Variants in NBPF3 observed in about 807,000 individuals in gnomAD.
NBPF3 encodes the protein NBPF member 3.
A neutral mutation model predicts 78.1 loss-of-function variants in NBPF3; 57 were observed. The observed-to-expected ratio is 0.73, with a 90% confidence interval of 0.59 to 0.91. The LOEUF (loss-of-function observed/expected upper bound fraction) is 0.91, where lower values mean the gene tolerates loss of function less well. Ranked by LOEUF, NBPF3 falls within the 40% of genes least tolerant of loss-of-function variation. NBPF3 has a pLI of 0.00. For missense variants in NBPF3, 510 were observed against 715.3 expected, an observed-to-expected ratio of 0.71 and a Z score of 3.27; for synonymous variants, 182 against 271.7, an observed-to-expected ratio of 0.67 and a Z score of 3.25.
chr1:21,473,387 C>T lies in NBPF3; in HGVS notation c.742C>T (p.Gln248Ter). 2 of 1,613,994 alleles carry T rather than the reference C, an allele frequency of 1.2e-6. No homozygotes were observed. The highest frequency in any genetic ancestry group is 1.7e-6 in the Non-Finnish European group (2 of 1,179,868). Residue 248 changes from glutamine to a stop codon, truncating the protein, a stop_gained, in exon 7 of 15, where the codon CAG becomes TAG. Transcript: ENST00000318249. LOFTEE classifies it high-confidence loss of function. ...VQELYAPREV[Q>*]KAEEKEVPED... ...TCCCACCTGGCTCATCAGGGAGGTG[C>T]AGAAGGCTGAAGAAAAGGAAGTCCC...
chr1:21,480,944 C>T lies in NBPF3; in HGVS notation c.1396C>T (p.Gln466Ter), dbSNP rs1391714126. 7 of 1,585,458 alleles carry T rather than the reference C, an allele frequency of 4.4e-6. No homozygotes were observed. In the East Asian group the frequency reaches 1.4e-4, roughly 32 times the overall value. Residue 466 changes from glutamine to a stop codon, truncating the protein, a stop_gained, in exon 12 of 15, where the codon CAA becomes TAA. Transcript: ENST00000318249. LOFTEE classifies it high-confidence loss of function. The part of the protein sequence containing the change: ...ALDLDRMKKD[Q>*]EEEEDQGPPC... ...ATTTATTGCAGGAATGAAAAAGGAC[C>T]AAGAAGAGGAAGAAGACCAAGGCCC...
chr1:21,440,700 C>T (rs922028740), intron 1 of NBPF3: 10 of 152,568 alleles, frequency 6.6e-5, no homozygotes, highest in African/African-American at 2.2e-4. Flanking sequence ...AATCGGTTCC[C>T]TCTGCGGGCC....
intron 2 of NBPF3, among the ~76,000 whole-genome samples, chr1:21,464,732 G>C (rs1457532339): frequency 6.6e-6 from 1 of 151,802 alleles, no homozygotes; most frequent in South Asian, 2.1e-4. Context: ...TCAGGGCCAG[G>C]TTCAGTGGCT....
chr1:21,468,036 T>C (rs1366821482), intron 2 of NBPF3: 3 of 152,442 alleles, frequency 2.0e-5, no homozygotes, highest in African/African-American at 7.2e-5. Flanking sequence ...CAGACAAAAC[T>C]GCAGAAGACC....
intron 8 of NBPF3, among the ~76,000 whole-genome samples, chr1:21,475,833 C>T (rs1642860857): frequency 6.6e-6 from 1 of 152,028 alleles, no homozygotes; most frequent in Non-Finnish European, 1.5e-5. Context: ...TCCTTGTGAA[C>T]CTTCTGTCTC....
intron 2 of NBPF3, among the ~76,000 whole-genome samples, chr1:21,456,455 T>A (rs576258159): frequency 4.2e-4 from 64 of 152,200 alleles, no homozygotes; most frequent in Non-Finnish European, 8.1e-4. Context: ...TACACTTTCA[T>A]GCATCTCAAT....
chr1:21,468,742 C>A lies in NBPF3; in HGVS notation c.188C>A (p.Pro63His). 1 of 1,613,744 alleles carries A rather than the reference C, an allele frequency of 6.2e-7. No homozygotes were observed. The highest frequency in any genetic ancestry group is 8.5e-7 in the Non-Finnish European group (1 of 1,179,670). The change falls in exon 3 of 15, where the codon CCT becomes CAT. Residue 63 changes from proline (P) to histidine (H), a missense_variant. Pro to His is a moderately conservative substitution (Grantham distance 77). Around this residue, in one of 5 missense-constraint regions of NBPF3, gnomAD observed 440 missense variants for 478.2 expected, o/e 0.92. Transcript: ENST00000318249. Reference protein sequence around the residue: ...TNVSMVVSAGPWSGEKAEMNI... With the variant: ...TNVSMVVSAGHWSGEKAEMNI... ...GTCAGCATGGTGGTATCTGCCGGCC[C>A]TTGGTCCGGTGAGAAGGCAGAGATG...
intron 2 of NBPF3, chr1:21,459,770 C>A: frequency 3.1e-6 from 1 of 321,050 alleles, no homozygotes; most frequent in South Asian, 3.3e-5. Context: ...TCTTGGCAAT[C>A]ATGGTGACAG....
chr1:21,467,660 A>C (rs1642351679), intron 2 of NBPF3, among the ~76,000 whole-genome samples: 1 of 152,234 alleles, frequency 6.6e-6, no homozygotes, highest in Non-Finnish European at 1.5e-5. Flanking sequence ...TGGAAACAAC[A>C]AAATAGCATC....
chr1:21,439,968 T>G (rs1043519171), upstream of NBPF3, among the ~76,000 whole-genome samples: 1 of 152,182 alleles, frequency 6.6e-6, no homozygotes, highest in African/African-American at 2.4e-5. Context: ...TCACCTAGGT[T>G]ACTCCTTTTC....
upstream of NBPF3, chr1:21,437,267 A>G (rs938536942): frequency 5.7e-5 from 21 of 366,534 alleles, no homozygotes; most frequent in Non-Finnish European, 9.0e-5. Flanking sequence ...GGGTGGTGTC[A>G]GAACCCAGGA....
chr1:21,447,996 TGTTTA>T (rs1221587848), intron 2 of NBPF3, among the ~76,000 whole-genome samples: 3 of 152,226 alleles, frequency 2.0e-5, no homozygotes, highest in Admixed American at 6.5e-5. Context: ...TTCTTTGTGT[TGTTTA>T]GTTCTCAGAA....
chr1:21,472,997 G>A (rs2147995001), intron 6 of NBPF3, 82 bp downstream of exon 6: 2 of 1,016,346 alleles, frequency 2.0e-6, no homozygotes, highest in Non-Finnish European at 1.6e-6. Context: ...TGGCATCTAT[G>A]ATGGGCCGAA....
chr1:21,441,385 A>G (rs1273360194), intron 1 of NBPF3, among the ~76,000 whole-genome samples: 2 of 152,140 alleles, frequency 1.3e-5, no homozygotes, highest in Non-Finnish European at 2.9e-5. Context: ...AAAGTTACTG[A>G]AGTATACAGA....
chr1:21,477,667 G>T (rs559445766), intron 8 of NBPF3, among the ~76,000 whole-genome samples: 95 of 152,186 alleles, frequency 6.2e-4, no homozygotes, highest in Non-Finnish European at 1.1e-3. Flanking sequence ...TTTTTTATTA[G>T]TGTGTTTGCT....
chr1:21,471,756 C>G lies in NBPF3; in HGVS notation c.634C>G (p.Gln212Glu), dbSNP rs72872297. 0.047 allele frequency: 76,350 copies of G among 1,613,042 alleles called. 2,086 individuals are homozygous for G. The highest frequency in any genetic ancestry group is 0.097 in the African/African-American group (7,294 of 74,852). ...GCTGGCTGAGGGATGTAGGCTGGCA[C>G]AGCACCTCGTCCAAAAGCTCAGCCC... ...EQLAEGCRLA[Q>E]HLVQKLSPEN... Residue 212 changes from glutamine to glutamate, a missense_variant, in exon 5 of 15, where the codon CAG (glutamine) becomes GAG (glutamate). Physicochemically the swap from Gln to Glu is conservative, Grantham distance 29. This residue lies in a region of NBPF3 where 440 missense variants were observed against 478.2 expected (regional missense o/e 0.92). Transcript: ENST00000318249.
At chr1:21,464,509 GA>G (rs1642144260) in intron 2 of NBPF3, among the ~76,000 whole-genome samples, 2 of 152,146 alleles carry the variant, frequency 1.3e-5, no homozygotes, top group Middle Eastern at 3.4e-3. Context: ...TTGGCATTAT[GA>G]AAATATTCTG....
chr1:21,467,459 C>T (rs1558494197), intron 2 of NBPF3: 1 of 451,274 alleles, frequency 2.2e-6, no homozygotes, highest in East Asian at 1.6e-4. Flanking sequence ...TCATCTCAAA[C>T]TCACCCTCTA....
intron 10 of NBPF3, among the ~76,000 whole-genome samples, chr1:21,479,655 T>G (rs1643074211): frequency 1.3e-5 from 2 of 152,188 alleles, no homozygotes; most frequent in Non-Finnish European, 2.9e-5. Context: ...GCAGGGAAGC[T>G]TGAGCACATT....
Sources: gnomAD v4.1 joint callset for allele counts (sites outside exome capture counted in the v4.1 genomes callset) on GRCh38, gnomAD v4.1.1 for gene constraint, gnomAD v4.1.1 regional missense constraint, MANE v1.5 for transcripts, NCBI Gene and HGNC (gene_info 2026-07-23, HGNC 2026-07-21) for gene names.